TFG: variants seen among roughly 807,000 people sequenced by gnomAD.
TFG encodes the protein protein TFG.
A neutral mutation model predicts 51.4 loss-of-function variants in TFG; 22 were observed. The observed-to-expected ratio is 0.43, with a 90% CI of 0.31 to 0.61. The LOEUF is 0.61. Among genes scored for constraint, TFG ranks in the 20% least tolerant of loss-of-function variants. TFG has a pLI of 0.12. For missense variants in TFG, 419 were observed against 487.7 expected (o/e 0.86, Z 1.33); for synonymous variants, 187 against 165.6 (o/e 1.13, Z -0.99).
chr3:100,746,693 C>T (rs2095135818), intron 7 of TFG, among the ~76,000 whole-genome samples: 1 of 151,988 alleles, frequency 6.6e-6, no homozygotes, highest in Admixed American at 6.6e-5. Flanking sequence ...AATCTTCAGC[C>T]TGTAGGGTTA....
intron 5 of TFG, among the ~76,000 whole-genome samples, chr3:100,734,215 A>G (rs977728740): frequency 5.3e-5 from 8 of 152,024 alleles, no homozygotes; most frequent in Admixed American, 5.2e-4. Flanking sequence ...TGGTTTTGAT[A>G]ACTTTCACAT....
At chr3:100,723,500 T>C (rs551277682) in intron 3 of TFG, among the ~76,000 whole-genome samples, 1 of 152,194 alleles carries the variant, frequency 6.6e-6, no homozygotes, top group East Asian at 1.9e-4. Context: ...TCCATGCTAC[T>C]TCCAAGAGAC....
chr3:100,717,579 G>GTTTTT (rs55750598), intron 2 of TFG, among the ~76,000 whole-genome samples: 2 of 116,552 alleles, frequency 1.7e-5, no homozygotes, highest in African/African-American at 3.0e-5. Context: ...TTTCATCAGT[G>GTTTTT]TTTTTTTTTT....
intron 5 of TFG, among the ~76,000 whole-genome samples, chr3:100,734,129 A>G (rs72928630): frequency 0.027 from 3,981 of 149,430 alleles, 176 homozygotes; most frequent in African/African-American, 0.093. Context: ...CTCTTTTGTG[A>G]TAGTTTTTGC....
At chr3:100,714,193 TC>T (rs1030433347) in intron 2 of TFG, among the ~76,000 whole-genome samples, 6 of 152,104 alleles carry the variant, frequency 3.9e-5, no homozygotes, top group Non-Finnish European at 5.9e-5. Flanking sequence ...TATAATTCTC[TC>T]ATCAGTTAAA....
intron 5 of TFG, among the ~76,000 whole-genome samples, chr3:100,735,010 A>G (rs1162398975): frequency 6.6e-6 from 1 of 152,202 alleles, no homozygotes; most frequent in African/African-American, 2.4e-5. Flanking sequence ...CAAACATGGA[A>G]TGAATATTAA....
chr3:100,713,534 G>T, intron 1 of TFG, 109 bp from the exon 2 acceptor site: 1 of 445,194 alleles, frequency 2.2e-6, no homozygotes, highest in Non-Finnish European at 3.9e-6. Context: ...TGGTAACATG[G>T]GGATAATGAA....
intron 5 of TFG, among the ~76,000 whole-genome samples, chr3:100,734,563 ACTC>A (rs966054802): frequency 6.6e-6 from 1 of 151,358 alleles, no homozygotes; most frequent in Non-Finnish European, 1.5e-5. Flanking sequence ...ATTGGGGTAA[ACTC>A]CTCTGGTTTC....
chr3:100,726,876 A>G (rs527274305), intron 3 of TFG, among the ~76,000 whole-genome samples: 14 of 152,270 alleles, frequency 9.2e-5, no homozygotes, highest in East Asian at 3.9e-4. Flanking sequence ...AGATGATTCT[A>G]TGTTTGGGTA....
At chr3:100,722,544 A>G (rs141043777) in intron 3 of TFG, among the ~76,000 whole-genome samples, 58 of 152,344 alleles carry the variant, frequency 3.8e-4, no homozygotes, top group African/African-American at 1.3e-3. Context: ...AGCCTTGAGC[A>G]GGGATAAGTA....
intron 4 of TFG, among the ~76,000 whole-genome samples, chr3:100,731,744 A>T (rs2095092210): frequency 6.6e-6 from 1 of 151,790 alleles, no homozygotes; most frequent in African/African-American, 2.4e-5. Context: ...TTTGGTAGAG[A>T]TTGGGTTTTG....
Position 100,713,718 on chromosome 3 carries a change from A to C in TFG, c.33A>C (p.Leu11=). 2 of 1,609,564 alleles carry C rather than the reference A, an allele frequency of 1.2e-6. No individual in the cohort carries two copies. The highest frequency in any genetic ancestry group is 2.2e-5 in the South Asian group (2 of 90,404). The change falls in exon 2 of 8, where the codon CTA becomes CTC. Residue 11 remains leucine, a synonymous_variant. Coordinates refer to ENST00000240851, the MANE Select transcript of TFG (RefSeq NM_006070.6). The stretch of plus-strand genomic sequence containing the variant: ...GACAGTTGGATCTAAGTGGGAAGCT[A>C]ATCATCAAAGCTCAACTTGGGGAGG... MNGQLDLSGK[L]IIKAQLGEDI... is the part of the protein sequence containing the mutation.
At chr3:100,711,267 T>G (rs1467836368) in intron 1 of TFG, among the ~76,000 whole-genome samples, 2 of 152,120 alleles carry the variant, frequency 1.3e-5, no homozygotes, top group Non-Finnish European at 2.9e-5. Flanking sequence ...GACAACTGGC[T>G]CATTTTTGTA....
chr3:100,720,271 T>G (rs2095057111), intron 3 of TFG, among the ~76,000 whole-genome samples: 1 of 141,312 alleles, frequency 7.1e-6, no homozygotes, highest in South Asian at 2.4e-4. Context: ...AAGAACAGAG[T>G]GTTAAGTATG....
intron 2 of TFG, 103 bp downstream of exon 2, chr3:100,713,972 C>A: frequency 1.6e-6 from 1 of 643,084 alleles, no homozygotes; most frequent in South Asian, 3.9e-5. Flanking sequence ...GTGATCATAG[C>A]TCAGTGTCAC....
chr3:100,717,020 G>T (rs2095048239), intron 2 of TFG, among the ~76,000 whole-genome samples: 1 of 152,008 alleles, frequency 6.6e-6, no homozygotes, highest in Non-Finnish European at 1.5e-5. Context: ...TTCCTTTGCT[G>T]TGCAGAAAAG....
At position 100,735,541 on chromosome 3, in the gene TFG, T is replaced by C. The variant is rs59789493; in HGVS notation, c.581-1035T>C. Among the ~76,000 whole-genome samples the C allele has an allele frequency of 4.5e-3, 678 of 152,314 alleles. 5 individuals are homozygous for C. The highest frequency in any genetic ancestry group is 0.015 in the African/African-American group (610 of 41,570). Reference sequence around the variant, plus strand: ...AGGCACAGAAAGAGATTATGTAACATGTCCAGAGTTACACAGCTAGTGAGT... The same window carrying C: ...AGGCACAGAAAGAGATTATGTAACACGTCCAGAGTTACACAGCTAGTGAGT... On this transcript the variant is annotated intron_variant, in intron 5 of 7. Coordinates refer to ENST00000240851, the MANE Select transcript of TFG (RefSeq NM_006070.6).
chr3:100,729,640 A>T (rs1236304601), intron 4 of TFG, among the ~76,000 whole-genome samples: 1 of 152,104 alleles, frequency 6.6e-6, no homozygotes, highest in African/African-American at 2.4e-5. Flanking sequence ...TTCATAGTTT[A>T]AAACTGTCCA....
intron 2 of TFG, among the ~76,000 whole-genome samples, chr3:100,717,888 G>A (rs2095050566): frequency 6.6e-6 from 1 of 151,814 alleles, no homozygotes; most frequent in African/African-American, 2.4e-5. Flanking sequence ...TTGCATAATT[G>A]CTCTGGCTAG....
Sources: allele counts gnomAD v4.1 joint callset (sites outside exome capture counted in the v4.1 genomes callset), GRCh38; gene constraint gnomAD v4.1.1; transcripts MANE v1.5; gene names NCBI Gene and HGNC (gene_info 2026-07-23, HGNC 2026-07-21).